CCDC171: variants seen among roughly 807,000 people sequenced by gnomAD.
The protein encoded by CCDC171 is coiled-coil domain-containing protein 171.
Under a neutral mutation model 168.2 loss-of-function variants are expected in CCDC171, and 177 were observed. That is an observed-to-expected ratio of 1.05 (90% confidence interval 0.93 to 1.19). The LOEUF is 1.19. Among genes scored for constraint, CCDC171 ranks in the 50% most tolerant of loss-of-function variants. The pLI is 0.00. For synonymous variants in CCDC171, 687 were observed against 540.8 expected (o/e 1.27, Z -3.75); for missense variants, 1,991 against 1,539.0 (o/e 1.29, Z -4.91).
At chr9:16,065,163 A>T (rs1833977739), downstream of CCDC171, among the ~76,000 whole-genome samples, 1 of 152,208 alleles carries the variant, frequency 6.6e-6, no homozygotes, top group South Asian at 2.1e-4. Context: ...AAAGTTGCTG[A>T]TAAAATTTTC....
chr9:15,758,226 G>T (rs975049944), intron 18 of CCDC171, among the ~76,000 whole-genome samples: 3 of 152,224 alleles, frequency 2.0e-5, no homozygotes, highest in African/African-American at 4.8e-5. Flanking sequence ...AGACACAGGG[G>T]TGGAGCTGCC....
intron 6 of CCDC171, among the ~76,000 whole-genome samples, chr9:16,024,454 C>G (rs938130269): frequency 6.6e-6 from 1 of 152,166 alleles, no homozygotes; most frequent in Non-Finnish European, 1.5e-5. Flanking sequence ...ATGAGAGCAG[C>G]TACTCCATAC....
intron 24 of CCDC171, among the ~76,000 whole-genome samples, chr9:15,890,305 T>C (rs1820026075): frequency 6.6e-6 from 1 of 152,166 alleles, no homozygotes; most frequent in Non-Finnish European, 1.5e-5. Flanking sequence ...ATGAAATTTG[T>C]TCTTGCTGGG....
intron 18 of CCDC171, among the ~76,000 whole-genome samples, chr9:15,764,007 G>A (rs1007312384): frequency 2.0e-5 from 3 of 152,048 alleles, no homozygotes; most frequent in South Asian, 2.1e-4. Context: ...GAGGGGAAGC[G>A]GTGGTAGTTG....
At chr9:15,811,649 T>C (rs929649529) in intron 21 of CCDC171, among the ~76,000 whole-genome samples, 1 of 152,184 alleles carries the variant, frequency 6.6e-6, no homozygotes, top group Non-Finnish European at 1.5e-5. Context: ...CTACTAATGA[T>C]TTTTTTCTTG....
intron 7 of CCDC171, among the ~76,000 whole-genome samples, chr9:15,654,880 T>G (rs1212722464): frequency 2.0e-5 from 3 of 152,058 alleles, no homozygotes; most frequent in Non-Finnish European, 4.4e-5. Flanking sequence ...ATGTCCTTTG[T>G]AGGGACATGG....
At chr9:15,955,975 T>C (rs1369502478) in intron 25 of CCDC171, among the ~76,000 whole-genome samples, 1 of 152,158 alleles carries the variant, frequency 6.6e-6, no homozygotes, top group Non-Finnish European at 1.5e-5. Context: ...GATTCGATTC[T>C]AGATAGATTT....
rs554865557 is a variant in CCDC171 at position 15,730,983 on chromosome 9, A to T, written c.2049+1185A>T. On this transcript the variant is annotated intron_variant, in intron 16 of 25. Transcript: ENST00000380701. ...TGTACATATTTATGGGGTACATGTG[A>T]TATTTTGATATATGCATAGAATGTG... is the stretch of plus-strand genomic sequence containing the variant. 9.0e-4 allele frequency among the ~76,000 whole-genome samples: 137 copies of T among 152,148 alleles called. 2 individuals carry two copies. The South Asian group carries it at 0.027, about 30-fold the overall frequency.
At chr9:15,601,033 C>T (rs1156603998) in intron 6 of CCDC171, among the ~76,000 whole-genome samples, 1 of 152,168 alleles carries the variant, frequency 6.6e-6, no homozygotes, top group African/African-American at 2.4e-5. Context: ...TGCCATCTGT[C>T]ACCCCTTTCC....
In CCDC171 at chr9:15,629,223, A is replaced by C. The variant is rs537460524; in HGVS notation, c.822+5810A>C. Among the ~76,000 whole-genome samples the C allele has an allele frequency of 2.2e-3, 334 of 152,274 alleles. 4 individuals are homozygous for C. The highest frequency in any genetic ancestry group is 0.021 in the South Asian group (100 of 4,820). Reference sequence around the variant, plus strand: ...TGAGAGAAGAAGGCTTCAGACGATCAAACTACTCCGAGCTACAAGAGGAAA... The same window carrying C: ...TGAGAGAAGAAGGCTTCAGACGATCCAACTACTCCGAGCTACAAGAGGAAA... On this transcript the variant is annotated intron_variant, in intron 7 of 25. Transcript: ENST00000380701.
intron 23 of CCDC171, among the ~76,000 whole-genome samples, chr9:15,859,667 G>GT (rs902167412): frequency 4.2e-5 from 5 of 117,652 alleles, no homozygotes; most frequent in African/African-American, 6.6e-5. Context: ...GTTTTGTTTT[G>GT]TTTTTTTGAG....
chr9:16,103,848 A>T, the CCDC171 span, among the ~76,000 whole-genome samples: 1 of 152,070 alleles, frequency 6.6e-6, no homozygotes, highest in Non-Finnish European at 1.5e-5. Context: ...GGGCTGGGGG[A>T]GAGTCAGAGA....
chr9:15,936,436 C>G (rs1309064958), intron 25 of CCDC171, among the ~76,000 whole-genome samples: 1 of 151,856 alleles, frequency 6.6e-6, no homozygotes, highest in Non-Finnish European at 1.5e-5. Flanking sequence ...CACAGAGAGC[C>G]AGTTCAGACC....
At chr9:15,676,241 T>G (rs909656903) in intron 9 of CCDC171, among the ~76,000 whole-genome samples, 1 of 152,158 alleles carries the variant, frequency 6.6e-6, no homozygotes, top group Non-Finnish European at 1.5e-5. Flanking sequence ...TTTAAGTTCT[T>G]CTCTACACTG....
intron 3 of CCDC171, among the ~76,000 whole-genome samples, chr9:15,573,224 C>T (rs997010485): frequency 6.6e-6 from 1 of 152,056 alleles, no homozygotes; most frequent in African/African-American, 2.4e-5. Flanking sequence ...GAGATGAATA[C>T]ATAATAATTC....
chr9:16,089,332 G>A, the CCDC171 span, among the ~76,000 whole-genome samples: 2 of 151,986 alleles, frequency 1.3e-5, no homozygotes, highest in African/African-American at 4.8e-5. Context: ...TAGGTTGCCT[G>A]TTCACTCTGA....
At chr9:15,793,453 C>G (rs1442713874) in intron 21 of CCDC171, among the ~76,000 whole-genome samples, 1 of 151,788 alleles carries the variant, frequency 6.6e-6, no homozygotes, top group Non-Finnish European at 1.5e-5. Context: ...TTGAACTCAG[C>G]TCTGCACCAA....
At chr9:15,581,972 A>G (rs2041158222) in intron 4 of CCDC171, among the ~76,000 whole-genome samples, 1 of 152,262 alleles carries the variant, frequency 6.6e-6, no homozygotes, top group African/African-American at 2.4e-5. Flanking sequence ...AGCAAAAGAA[A>G]CTATCATCAG....
At chr9:16,043,238 C>T (rs762690562) in intron 1 of CCDC171, among the ~76,000 whole-genome samples, 1 of 152,128 alleles carries the variant, frequency 6.6e-6, no homozygotes, top group Non-Finnish European at 1.5e-5. Flanking sequence ...TGTAATACAA[C>T]TCTTTCTTGC....
Sources: allele counts gnomAD v4.1 joint callset (sites outside exome capture counted in the v4.1 genomes callset), GRCh38; gene constraint gnomAD v4.1.1; transcripts MANE v1.5; gene names NCBI Gene and HGNC (gene_info 2026-07-23, HGNC 2026-07-21).